CTNNA3: variants seen among roughly 807,000 people sequenced by gnomAD.
CTNNA3 encodes catenin alpha-3.
Under a neutral mutation model 95.7 loss-of-function variants are expected in CTNNA3, and 76 were observed. The observed-to-expected ratio is 0.79, with a 90% CI of 0.66 to 0.96. CTNNA3 has a LOEUF of 0.96. CTNNA3 is among the 40% of genes least tolerant of loss of function. CTNNA3 has a pLI of 0.00. For synonymous variants in CTNNA3, 431 were observed against 374.4 expected (o/e 1.15, Z -1.74); for missense variants, 1,191 against 1,089.8 (o/e 1.09, Z -1.31).
At chr10:66,681,517 T>TA (rs1564614666) in intron 9 of CTNNA3, among the ~76,000 whole-genome samples, 1 of 152,234 alleles carries the variant, frequency 6.6e-6, no homozygotes, top group Admixed American at 6.5e-5. Context: ...CAAACCATAT[T>TA]AAAAAACAAA....
At chr10:67,339,861 A>C (rs1050939690) in intron 5 of CTNNA3, among the ~76,000 whole-genome samples, 10 of 152,192 alleles carry the variant, frequency 6.6e-5, no homozygotes, top group African/African-American at 2.4e-4. Context: ...TGTAATAAAT[A>C]AGAACTGTTC....
chr10:66,094,367 T>C (rs926550438), intron 14 of CTNNA3, among the ~76,000 whole-genome samples: 94 of 152,134 alleles, frequency 6.2e-4, no homozygotes, highest in African/African-American at 1.9e-3. Flanking sequence ...GGGCAAGGGG[T>C]GACACTAAGA....
At chr10:66,456,106 T>A (rs892406773) in intron 11 of CTNNA3, among the ~76,000 whole-genome samples, 12 of 152,140 alleles carry the variant, frequency 7.9e-5, no homozygotes, top group African/African-American at 2.9e-4. Flanking sequence ...CATAGTAAAA[T>A]GCCATTTCTT....
intron 9 of CTNNA3, among the ~76,000 whole-genome samples, chr10:66,730,438 C>T (rs922505063): frequency 8.5e-5 from 13 of 152,134 alleles, no homozygotes; most frequent in African/African-American, 3.1e-4. Context: ...GAACAACACA[C>T]ACTGGAGCCT....
chr10:66,413,513 G>A lies in CTNNA3; in HGVS notation c.1532-34161C>T, dbSNP rs146265182. Among the ~76,000 whole-genome samples the A allele has an allele frequency of 5.0e-3, 761 of 152,174 alleles. 7 individuals carry two copies. Among genetic ancestry groups the A allele is most frequent in the African/African-American group, 0.017 (723 of 41,534 alleles). On this transcript the variant is annotated intron_variant, in intron 11 of 17. Transcript: ENST00000433211. ...TCAAATTGGCCTTAAAAACAGGTGG[G>A]AATTAGCTCTCTTAATATTTTGTCA...
chr10:67,727,063 TA>T (rs1841236671), intron 1 of CTNNA3, among the ~76,000 whole-genome samples: 1 of 112,058 alleles, frequency 8.9e-6, no homozygotes, highest in African/African-American at 4.0e-5. Context: ...TATAATTATA[TA>T]TAATATATGA....
intron 7 of CTNNA3, among the ~76,000 whole-genome samples, chr10:66,885,765 A>G (rs1310797987): frequency 2.0e-5 from 3 of 152,176 alleles, no homozygotes; most frequent in African/African-American, 7.2e-5. Context: ...TGCTGAATAA[A>G]GGATAATAGA....
intron 12 of CTNNA3, among the ~76,000 whole-genome samples, chr10:66,337,458 T>C (rs1045336952): frequency 3.3e-5 from 5 of 152,106 alleles, no homozygotes; most frequent in African/African-American, 1.2e-4. Context: ...ATGAGCCAGA[T>C]ATTGTGCTCC....
At chr10:66,637,723 G>C (rs1464767653) in intron 9 of CTNNA3, among the ~76,000 whole-genome samples, 2 of 152,182 alleles carry the variant, frequency 1.3e-5, no homozygotes, top group East Asian at 3.9e-4. Context: ...TCCCCCTTGG[G>C]ACACAGAGTA....
intron 11 of CTNNA3, among the ~76,000 whole-genome samples, chr10:66,427,732 G>A (rs11812580): frequency 1.3e-5 from 2 of 151,768 alleles, no homozygotes; most frequent in Admixed American, 6.6e-5. Context: ...AGACCTGCCC[G>A]ACAAGGGCTC....
intron 7 of CTNNA3, among the ~76,000 whole-genome samples, chr10:66,988,266 T>G (rs1850847134): frequency 6.6e-6 from 1 of 152,182 alleles, no homozygotes. Flanking sequence ...GAGGTAGGAT[T>G]ATATTCACAG....
At chr10:66,933,209 C>T (rs1361646874) in intron 7 of CTNNA3, among the ~76,000 whole-genome samples, 1 of 152,244 alleles carries the variant, frequency 6.6e-6, no homozygotes, top group Non-Finnish European at 1.5e-5. Context: ...CATTTTACAT[C>T]ATTAGAAGTC....
chr10:66,629,833 A>G (rs1169040915), intron 9 of CTNNA3, among the ~76,000 whole-genome samples: 2 of 152,072 alleles, frequency 1.3e-5, no homozygotes, highest in Non-Finnish European at 2.9e-5. Flanking sequence ...CCCTTTTCAC[A>G]GCCACCTTCA....
At chr10:67,221,815 C>T (rs1864673021) in intron 5 of CTNNA3, among the ~76,000 whole-genome samples, 1 of 151,976 alleles carries the variant, frequency 6.6e-6, no homozygotes, top group South Asian at 2.1e-4. Context: ...ACCTTGTGAT[C>T]CGCCCGCCTC....
intron 7 of CTNNA3, among the ~76,000 whole-genome samples, chr10:67,178,176 C>T (rs978336489): frequency 2.6e-5 from 4 of 152,128 alleles, no homozygotes; most frequent in African/African-American, 7.2e-5. Context: ...CTTGTGGGGG[C>T]CTTGGCACAC....
At chr10:66,908,519 T>C (rs1310882694) in intron 7 of CTNNA3, among the ~76,000 whole-genome samples, 1 of 152,042 alleles carries the variant, frequency 6.6e-6, no homozygotes, top group Non-Finnish European at 1.5e-5. Flanking sequence ...CATCGTCCAA[T>C]ATGTTATGGA....
chr10:66,398,962 T>C (rs549560604), intron 11 of CTNNA3, among the ~76,000 whole-genome samples: 13 of 152,166 alleles, frequency 8.5e-5, no homozygotes, highest in Admixed American at 2.6e-4. Flanking sequence ...GATTTCCTTT[T>C]ACTTTAGTTT....
intron 11 of CTNNA3, among the ~76,000 whole-genome samples, chr10:66,437,103 C>T (rs2093343333): frequency 6.6e-6 from 1 of 152,134 alleles, no homozygotes; most frequent in Admixed American, 6.6e-5. Flanking sequence ...CCACGTTTCT[C>T]TCTGGCTGCT....
In CTNNA3 at chr10:66,825,095, C is replaced by A. The variant is rs79557396; in HGVS notation, c.1048-49571G>T. The stretch of plus-strand genomic sequence containing the variant: ...AATTACACACACACTCACACACAGG[C>A]CAGAGTGTGCCCTTACAAATGGCCA... On this transcript the variant is annotated intron_variant, in intron 7 of 17. Transcript: ENST00000433211. Among the ~76,000 whole-genome samples the A allele has an allele frequency of 3.2e-3, 488 of 151,064 alleles. 20 individuals carry two copies. In the East Asian group the frequency reaches 0.075, roughly 23 times the overall value.
Sources: allele counts gnomAD v4.1 joint callset (sites outside exome capture counted in the v4.1 genomes callset), GRCh38; gene constraint gnomAD v4.1.1; transcripts MANE v1.5; gene names NCBI Gene and HGNC (gene_info 2026-07-23, HGNC 2026-07-21).